The following FBXO2 variants were observed in gnomAD, a reference collection of about 807,000 sequenced individuals.
FBXO2 encodes F-box only protein 2.
FBXO2 carries 32 observed loss-of-function variants against 38.6 expected under a neutral mutation model. The ratio of observed to expected loss-of-function variants is 0.83; its 90% CI spans 0.62 to 1.11. FBXO2 has a LOEUF of 1.11. Among genes scored for constraint, FBXO2 ranks in the 50% most tolerant of loss-of-function variants. The pLI is 0.00. For missense variants in FBXO2, 450 were observed against 418.3 expected, an observed-to-expected ratio of 1.08 and a Z score of -0.66; for synonymous variants, 189 against 182.9, an observed-to-expected ratio of 1.03 and a Z score of -0.27.
intron 1 of FBXO2, among the ~76,000 whole-genome samples, chr1:11,651,477 A>G (rs1013865820): frequency 2.6e-5 from 4 of 151,844 alleles, no homozygotes; most frequent in Admixed American, 6.6e-5. Context: ...AACTTCATTT[A>G]CTCTTTAAAT....
In FBXO2 at chr1:11,650,089, C is replaced by T. The variant is rs1053572399; in HGVS notation, c.392-15G>A. Reference sequence around the variant, plus strand: ...TTCCAAGTCCTCTGTAGGGACACGACAGCCCCACCCTGGTCACTCAGTCCC... The same window carrying T: ...TTCCAAGTCCTCTGTAGGGACACGATAGCCCCACCCTGGTCACTCAGTCCC... On this transcript the variant is annotated splice_polypyrimidine_tract_variant and intron_variant, in intron 2 of 5. Transcript: ENST00000354287. 1 of 1,613,506 alleles carries T rather than the reference C, an allele frequency of 6.2e-7. No homozygotes were observed.
intron 1 of FBXO2, among the ~76,000 whole-genome samples, chr1:11,651,753 A>G (rs191681721): frequency 6.6e-6 from 1 of 151,652 alleles, no homozygotes; most frequent in South Asian, 2.1e-4. Context: ...TCACTGCTCA[A>G]TCTCAGCTCA....
rs953184967 is a variant in FBXO2 at position 11,650,738 on chromosome 1, G to T, written c.119C>A (p.Ala40Glu). 3.3e-6 allele frequency: 5 copies of T among 1,529,422 alleles called. 1 individual carries two copies. Among genetic ancestry groups the T allele is most frequent in the South Asian group, 2.4e-5 (2 of 83,714 alleles). 94.7% of individuals were successfully genotyped at this position (1,529,422 alleles called of 1,614,324 possible). ...ERPEDQQEEE[A>E]AAAAAYLDEL... Reference sequence around the variant, plus strand: ...GTCCAGGTACGCGGCGGCGGCCGCCGCCTCCTCCTCCTGCTGGTCCTCCGG... The same window carrying T: ...GTCCAGGTACGCGGCGGCGGCCGCCTCCTCCTCCTCCTGCTGGTCCTCCGG... The change falls in exon 2 of 6, where the codon GCG becomes GAG. Residue 40 changes from alanine (A) to glutamate (E), a missense_variant. Coordinates refer to ENST00000354287, the MANE Select transcript of FBXO2 (RefSeq NM_012168.6).
rs1639466819 is a variant in FBXO2 at position 11,648,996 on chromosome 1, C to G, written c.756+91G>C. The G allele has an allele frequency of 3.4e-6, 5 of 1,459,448 alleles. No individual in the cohort carries two copies. The highest frequency in any genetic ancestry group is 2.8e-5 in the African/African-American group (2 of 71,796). The allele number at this position is 1,459,448 out of a possible 1,614,324, so 90.4% of individuals were successfully genotyped here. A position where few individuals can be genotyped will look rare whatever the true frequency, so the allele number is the denominator to read the frequency against. On this transcript the variant is annotated intron_variant, in intron 5 of 5. Transcript: ENST00000354287. The surrounding 1 kb of genome is among the most constrained non-coding windows in gnomAD (Gnocchi z 4.2). ...CTCAGCCCAGCCCAGCCCAGCCCACCCCAGCCCAGGAGCGCTGTGGGCGGG... is the reference window on the plus strand; with the variant it reads ...CTCAGCCCAGCCCAGCCCAGCCCACGCCAGCCCAGGAGCGCTGTGGGCGGG...
Position 11,654,321 on chromosome 1 carries a change from G to A in FBXO2, c.20C>T (p.Pro7Leu). ...CGAGCGGTCCAGGCGTCGGCTACCT[G>A]GGTCACCGTCTCCGTCCATCGCTGC... is the stretch of plus-strand genomic sequence containing the variant. MDGDGD[P>L]ESVGQPEEAS... Residue 7 changes from proline to leucine, a missense_variant and splice_region_variant, in exon 1 of 6, where the codon CCA becomes CTA. Coordinates refer to ENST00000354287, the MANE Select transcript of FBXO2 (RefSeq NM_012168.6). 6.8e-7 allele frequency: 1 copy of A among 1,472,158 alleles called. No homozygotes were observed. Among genetic ancestry groups the A allele is most frequent in the Non-Finnish European group, 8.9e-7 (1 of 1,118,790 alleles). The allele number at this position is 1,472,158 out of a possible 1,614,324, so 91.2% of individuals were successfully genotyped here.
chr1:11,649,052 G>A (rs1231340416), intron 5 of FBXO2, 35 bp downstream of exon 5: 1 of 1,547,652 alleles, frequency 6.5e-7, no homozygotes, highest in East Asian at 2.4e-5. Flanking sequence ...TCATGTCCGT[G>A]CCCCACCCCT....
At position 11,650,469 on chromosome 1, in the gene FBXO2, C is replaced by T. The variant is rs998962757; in HGVS notation, c.388G>A (p.Glu130Lys). The T allele has an allele frequency of 1.9e-6, 3 of 1,608,902 alleles. No individual in the cohort carries two copies. The highest frequency in any genetic ancestry group is 1.7e-6 in the Non-Finnish European group (2 of 1,178,392). The change falls in exon 2 of 6, where the codon GAA (glutamate) becomes AAA (lysine). Residue 130 changes from glutamate (E) to lysine (K), a missense_variant. Coordinates refer to ENST00000354287, the MANE Select transcript of FBXO2 (RefSeq NM_012168.6). ...TCGCCCAGCGAGGGCCTCTCACCTT[C>T]CCCACACGGGTTACGCAGAAGGTTG... ...RRNLLRNPCG[E>K]EDLEGWCDVE...
At position 11,648,551 on chromosome 1, in the gene FBXO2, G is replaced by A. The variant is rs1468240409; in HGVS notation, c.*143C>T. On this transcript the variant is annotated 3_prime_UTR_variant, in exon 6 of 6. Transcript: ENST00000354287. This position sits in a 1 kb window ranked among gnomAD's most constrained non-coding sequence, Gnocchi z 4.2. The stretch of plus-strand genomic sequence containing the variant: ...ATGCCAACAAAACTTCTCTCTCCCT[G>A]CTCAGGGGCTGGGATCGGAGCAAGG... 10 of 1,194,328 alleles carry A rather than the reference G, an allele frequency of 8.4e-6. No individual in the cohort carries two copies. The highest frequency in any genetic ancestry group is 1.2e-5 in the Non-Finnish European group (10 of 861,872). The allele number at this position is 1,194,328 out of a possible 1,614,324, so 74.0% of individuals were successfully genotyped here.
chr1:11,651,180 C>T (rs1237996764), intron 1 of FBXO2, among the ~76,000 whole-genome samples: 1 of 152,204 alleles, frequency 6.6e-6, no homozygotes, highest in Non-Finnish European at 1.5e-5. Flanking sequence ...CTTTCTTCCT[C>T]CCAACCACCC....
Position 11,648,724 on chromosome 1 carries a change from C to T in FBXO2, c.861G>A (p.Val287=). ...GTTCTACCCACACGCTGCTGTTGGT[C>T]ACCCGGGCCCCGAACCAGCCCTTCC... ...VYWKGWFGAR[V]TNSSVWVEP Residue 287 remains valine (V), a synonymous_variant, in exon 6 of 6, where the codon GTG becomes GTA. Coordinates refer to ENST00000354287, the MANE Select transcript of FBXO2 (RefSeq NM_012168.6). This position sits in a 1 kb window ranked among gnomAD's most constrained non-coding sequence, Gnocchi z 4.2. 2 of 1,613,498 alleles carry T rather than the reference C, an allele frequency of 1.2e-6. No individual in the cohort carries two copies. The highest frequency in any genetic ancestry group is 2.2e-5 in the East Asian group (1 of 44,882).
At chr1:11,652,814 C>T (rs973022276) in intron 1 of FBXO2, among the ~76,000 whole-genome samples, 3 of 152,190 alleles carry the variant, frequency 2.0e-5, no homozygotes, top group Non-Finnish European at 4.4e-5. Context: ...CCCCTAACCT[C>T]CTCATATGCA....
At chr1:11,654,226 G>A (rs922127544) in intron 1 of FBXO2, 93 bp downstream of exon 1, 23 of 1,358,276 alleles carry the variant, frequency 1.7e-5, no homozygotes, top group Non-Finnish European at 2.2e-5. Context: ...AGGTCTCCGG[G>A]TCCCCTCGCT....
Position 11,648,972 on chromosome 1 carries a change from TCAGCC to T in FBXO2, c.756+110_756+114del, listed in dbSNP as rs577091768. 5 of 713,174 alleles carry T rather than the reference TCAGCC, an allele frequency of 7.0e-6. No individual in the cohort carries two copies. The highest frequency in any genetic ancestry group is 1.1e-5 in the Non-Finnish European group (5 of 475,478). 44.2% of individuals were successfully genotyped at this position (713,174 alleles called of 1,614,324 possible). A position where few individuals can be genotyped will look rare whatever the true frequency, so the allele number is the denominator to read the frequency against. The stretch of plus-strand genomic sequence containing the variant: ...CTCTCTCCACCACCCGGTGACTATC[TCAGCC>T]CAGCCCAGCCCAGCCCACCCCAGCC... On this transcript the variant is annotated intron_variant, in intron 5 of 5. Transcript: ENST00000354287. The surrounding 1 kb of genome is among the most constrained non-coding windows in gnomAD (Gnocchi z 4.2).
rs775563514 is a variant in FBXO2 at position 11,649,919 on chromosome 1, C to T, written c.521+26G>A. ...GACAGAGCGAACGCTCCCCCCTTCC[C>T]ACCTCCTCCACCCCCTTCTCCTTAC... On this transcript the variant is annotated intron_variant, in intron 3 of 5. Transcript: ENST00000354287. 7.4e-6 allele frequency: 12 copies of T among 1,613,918 alleles called. No individual in the cohort carries two copies. The Admixed American group carries it at 1.8e-4, about 25-fold the overall frequency.
rs371864661 is a variant in FBXO2 at position 11,649,184 on chromosome 1, G to A, written c.659C>T (p.Thr220Ile). The change falls in exon 5 of 6, where the codon ACC becomes ATC. Residue 220 changes from threonine to isoleucine, a missense_variant. Coordinates refer to ENST00000354287, the MANE Select transcript of FBXO2 (RefSeq NM_012168.6). ...CTCGTGCTCGGACAGTAGCTTAACG[G>A]TGAGCTCGTAGAGGCAACCAGCGTC... ...RSDAGCLYEL[T>I]VKLLSEHENV... The A allele has an allele frequency of 8.4e-6, 13 of 1,553,762 alleles. No individual in the cohort carries two copies. Among genetic ancestry groups the A allele is most frequent in the African/African-American group, 8.2e-5 (6 of 73,108 alleles).
In FBXO2 at chr1:11,649,759, C is replaced by T; in HGVS notation, c.617+20G>A. 6.2e-7 allele frequency: 1 copy of T among 1,612,224 alleles called. No individual in the cohort carries two copies. The highest frequency in any genetic ancestry group is 8.5e-7 in the Non-Finnish European group (1 of 1,178,804). On this transcript the variant is annotated intron_variant, in intron 4 of 5. Coordinates refer to ENST00000354287, the MANE Select transcript of FBXO2 (RefSeq NM_012168.6). ...TTACCCCGCTCCTCCCAGCCCCATG[C>T]CACCCCAGGACCCTCTCACCAGTCC...
chr1:11,650,613 C>G lies in FBXO2; in HGVS notation c.244G>C (p.Val82Leu). The change falls in exon 2 of 6, where the codon GTG becomes CTG. Residue 82 changes from valine to leucine, a missense_variant. By Grantham distance (32) the Val-to-Leu change is conservative. Transcript: ENST00000354287. ...RLVCLRWKEL[V>L]DGAPLWLLKC... ...AGCAGCCACAGCGGGGCGCCGTCCA[C>G]CAGCTCCTTCCAGCGCAGGCACACC... 1 of 1,587,090 alleles carries G rather than the reference C, an allele frequency of 6.3e-7. No individual in the cohort carries two copies. Among genetic ancestry groups the G allele is most frequent in the Non-Finnish European group, 8.5e-7 (1 of 1,171,154 alleles).
chr1:11,648,958 A>G lies in FBXO2; in HGVS notation c.756+129T>C. On this transcript the variant is annotated intron_variant, in intron 5 of 5. Transcript: ENST00000354287. The surrounding 1 kb of genome is among the most constrained non-coding windows in gnomAD (Gnocchi z 4.2). ...CGCGGTATTCAGAACTCTCTCCACCACCCGGTGACTATCTCAGCCCAGCCC... is the reference window on the plus strand; with the variant it reads ...CGCGGTATTCAGAACTCTCTCCACCGCCCGGTGACTATCTCAGCCCAGCCC... The G allele has an allele frequency of 7.0e-7, 1 of 1,426,942 alleles. No individual in the cohort carries two copies. Among genetic ancestry groups the G allele is most frequent in the Non-Finnish European group, 9.5e-7 (1 of 1,049,406 alleles). The allele number at this position is 1,426,942 out of a possible 1,614,324, so 88.4% of individuals were successfully genotyped here.
At chr1:11,650,317 G>A in intron 2 of FBXO2, 149 bp downstream of exon 2, 1 of 1,414,030 alleles carries the variant, frequency 7.1e-7, no homozygotes, top group Non-Finnish European at 9.3e-7. Flanking sequence ...CAGGTGGCCA[G>A]AGAGCTACAG....
Sources: allele counts gnomAD v4.1 joint callset (sites outside exome capture counted in the v4.1 genomes callset), GRCh38; gene constraint gnomAD v4.1.1; non-coding constraint Gnocchi (gnomAD v3.1); transcripts MANE v1.5; gene names NCBI Gene and HGNC (gene_info 2026-07-23, HGNC 2026-07-21).